RIT2: variants seen among roughly 807,000 people sequenced by gnomAD.
RIT2 encodes the protein Ras like without CAAX 2.
In RIT2, 24 loss-of-function variants were observed where a neutral mutation model predicts 23.7. That is an observed-to-expected ratio of 1.01 (90% confidence interval 0.73 to 1.43). RIT2 has a LOEUF of 1.43. Among genes scored for constraint, RIT2 ranks in the 40% most tolerant of loss-of-function variants. The pLI, the probability that RIT2 is intolerant of heterozygous loss-of-function variation, is 0.00. For synonymous variants in RIT2, 107 were observed against 91.1 expected, an observed-to-expected ratio of 1.17 and a Z score of -0.99; for missense variants, 236 against 266.9, an observed-to-expected ratio of 0.88 and a Z score of 0.81.
At chr18:42,864,820 A>G (rs1420615542) in intron 4 of RIT2, among the ~76,000 whole-genome samples, 1 of 152,192 alleles carries the variant, frequency 6.6e-6, no homozygotes, top group African/African-American at 2.4e-5. Context: ...GTTAATTTTT[A>G]GGAGGCTCCA....
chr18:42,924,879 A>G (rs2144136099), intron 3 of RIT2, among the ~76,000 whole-genome samples: 1 of 152,230 alleles, frequency 6.6e-6, no homozygotes, highest in Non-Finnish European at 1.5e-5. Context: ...AACTTTGGAA[A>G]ACTAGGGTGG....
At chr18:43,014,981 A>G (rs1303059050) in intron 2 of RIT2, among the ~76,000 whole-genome samples, 1 of 151,774 alleles carries the variant, frequency 6.6e-6, no homozygotes, top group East Asian at 1.9e-4. Flanking sequence ...TTACACATAT[A>G]TATGTATTAC....
At chr18:42,843,980 G>C (rs971703070) in intron 4 of RIT2, among the ~76,000 whole-genome samples, 1 of 152,158 alleles carries the variant, frequency 6.6e-6, no homozygotes, top group Non-Finnish European at 1.5e-5. Context: ...AAATATAAAA[G>C]AGATAGAGTC....
chr18:42,829,403 A>C (rs1243762624), intron 4 of RIT2, among the ~76,000 whole-genome samples: 1 of 152,194 alleles, frequency 6.6e-6, no homozygotes, highest in Non-Finnish European at 1.5e-5. Context: ...CTTTTACAAA[A>C]GGTTAAACTC....
At chr18:43,034,274 A>G (rs1911925447) in intron 1 of RIT2, among the ~76,000 whole-genome samples, 1 of 152,160 alleles carries the variant, frequency 6.6e-6, no homozygotes, top group African/African-American at 2.4e-5. Flanking sequence ...TTTCATCTTT[A>G]AAGTGAATAG....
chr18:43,011,225 G>A (rs2144254089), intron 2 of RIT2, among the ~76,000 whole-genome samples: 1 of 151,916 alleles, frequency 6.6e-6, no homozygotes, highest in South Asian at 2.1e-4. Context: ...AGGAGGAGCA[G>A]GAAGGTGATA....
chr18:42,753,810 A>G (rs1333098865), intron 4 of RIT2, among the ~76,000 whole-genome samples: 4 of 152,188 alleles, frequency 2.6e-5, no homozygotes, highest in Non-Finnish European at 5.9e-5. Flanking sequence ...AGTTCTAGTG[A>G]AAGTGCTTTT....
chr18:42,894,981 A>G (rs1270353136), intron 4 of RIT2, among the ~76,000 whole-genome samples: 1 of 152,228 alleles, frequency 6.6e-6, no homozygotes, highest in African/African-American at 2.4e-5. Flanking sequence ...CAAGTTATGA[A>G]GAACCTAGTT....
rs1261228605 is a variant in RIT2, at chr18:42,910,866, G to A, written c.426+12706C>T. 2.0e-5 allele frequency among the ~76,000 whole-genome samples: 3 copies of A among 151,970 alleles called. No homozygotes were observed. The East Asian group carries it at 5.8e-4, about 29-fold the overall frequency. ...GAAAGAAATCCGTAATTATAACATG[G>A]GTTTCAAAATCCTATTTTTAACAAT... is the stretch of plus-strand genomic sequence containing the variant. On this transcript the variant is annotated intron_variant, in intron 4 of 4. Transcript: ENST00000326695.
At chr18:42,861,743 T>C (rs2015826711) in intron 4 of RIT2, among the ~76,000 whole-genome samples, 1 of 152,220 alleles carries the variant, frequency 6.6e-6, no homozygotes, top group South Asian at 2.1e-4. Flanking sequence ...TTTCTAAAAA[T>C]AAATACATCC....
At chr18:43,107,087 C>T (rs12232710) in intron 1 of RIT2, among the ~76,000 whole-genome samples, 15,288 of 152,170 alleles carry the variant, frequency 0.1, 1,130 homozygotes, top group East Asian at 0.37. Flanking sequence ...AACACACACA[C>T]GCACAGAAAT....
chr18:42,822,579 A>G (rs1906183797), intron 4 of RIT2, among the ~76,000 whole-genome samples: 1 of 152,128 alleles, frequency 6.6e-6, no homozygotes, highest in Non-Finnish European at 1.5e-5. Flanking sequence ...GGTTGAAAGC[A>G]CACTAAATGG....
chr18:42,883,893 C>A (rs910021388), intron 4 of RIT2, among the ~76,000 whole-genome samples: 19 of 152,142 alleles, frequency 1.2e-4, no homozygotes, highest in African/African-American at 4.6e-4. Context: ...TGATATAGCC[C>A]ATTTGTAGCA....
At chr18:42,992,716 T>G (rs9966532) in intron 2 of RIT2, among the ~76,000 whole-genome samples, 3 of 152,048 alleles carry the variant, frequency 2.0e-5, no homozygotes, top group Non-Finnish European at 4.4e-5. Context: ...GAGCTAAAGG[T>G]ATAGTCAAGG....
intron 2 of RIT2, among the ~76,000 whole-genome samples, chr18:42,994,845 A>G (rs193258398): frequency 1.3e-5 from 2 of 151,854 alleles, no homozygotes; most frequent in Admixed American, 1.3e-4. Flanking sequence ...TCTTCCTCAC[A>G]CCTGACACAT....
intron 4 of RIT2, among the ~76,000 whole-genome samples, chr18:42,822,630 A>T (rs950620706): frequency 7.2e-5 from 11 of 152,092 alleles, no homozygotes; most frequent in Non-Finnish European, 1.6e-4. Flanking sequence ...CTCTGCTCTA[A>T]TTACTCCATA....
At chr18:42,867,788 C>T (rs897070278) in intron 4 of RIT2, among the ~76,000 whole-genome samples, 20 of 152,056 alleles carry the variant, frequency 1.3e-4, no homozygotes, top group Non-Finnish European at 1.9e-4. Context: ...AGCAACACCC[C>T]AACTCTAAGG....
intron 4 of RIT2, among the ~76,000 whole-genome samples, chr18:42,759,801 A>C (rs1321415704): frequency 6.7e-6 from 1 of 149,660 alleles, no homozygotes; most frequent in African/African-American, 2.5e-5. Context: ...TTCAAGCCCG[A>C]GTTTTGCTCT....
At chr18:42,775,548 T>A (rs1192378607) in intron 4 of RIT2, among the ~76,000 whole-genome samples, 8 of 151,784 alleles carry the variant, frequency 5.3e-5, no homozygotes. Context: ...TACAAAAAAA[T>A]TAGCCGGTCG....
Sources: gnomAD v4.1 joint callset for allele counts (sites outside exome capture counted in the v4.1 genomes callset) on GRCh38, gnomAD v4.1.1 for gene constraint, MANE v1.5 for transcripts, NCBI Gene and HGNC (gene_info 2026-07-23, HGNC 2026-07-21) for gene names.